Variants in ROBO1 observed in about 807,000 individuals in gnomAD.
ROBO1 encodes the protein roundabout guidance receptor 1.
In ROBO1, 149 loss-of-function variants were observed where a neutral mutation model predicts 195.9. The observed-to-expected ratio is 0.76, with a 90% confidence interval of 0.67 to 0.87. ROBO1 has a LOEUF of 0.87. Among genes scored for constraint, ROBO1 ranks in the 40% least tolerant of loss-of-function variants. The pLI, the probability that ROBO1 is intolerant of heterozygous loss-of-function variation, is 0.00. For missense variants in ROBO1, 1,933 were observed against 2,068.3 expected (o/e 0.93, Z 1.27); for synonymous variants, 816 against 733.2 (o/e 1.11, Z -1.82).
At chr3:79,283,845 C>G (rs1032102265) in intron 2 of ROBO1, among the ~76,000 whole-genome samples, 1 of 151,526 alleles carries the variant, frequency 6.6e-6, no homozygotes, top group South Asian at 2.1e-4. Flanking sequence ...CTACAGGCGC[C>G]CGCTACCACG....
chr3:79,125,552 A>C lies in ROBO1; in HGVS notation c.89-13T>G. On this transcript the variant is annotated splice_polypyrimidine_tract_variant and intron_variant, in intron 2 of 30. Transcript: ENST00000464233. The stretch of plus-strand genomic sequence containing the variant: ...ACATCTTCAGGGTCTGTCGGAAACA[A>C]CACCAGAGCTGCTGATGGGGTCACA... 1.2e-6 allele frequency: 2 copies of C among 1,609,606 alleles called. No homozygotes were observed. The highest frequency in any genetic ancestry group is 1.7e-6 in the Non-Finnish European group (2 of 1,176,502).
chr3:78,815,340 G>C (rs2084866114), intron 4 of ROBO1, among the ~76,000 whole-genome samples: 1 of 152,226 alleles, frequency 6.6e-6, no homozygotes, highest in Admixed American at 6.5e-5. Context: ...GAATACAAAG[G>C]AAAAGTACTT....
intron 2 of ROBO1, among the ~76,000 whole-genome samples, chr3:79,158,667 C>T (rs1017197364): frequency 4.0e-5 from 6 of 151,660 alleles, no homozygotes; most frequent in Non-Finnish European, 7.4e-5. Context: ...TAATAAACAC[C>T]TGTCCCAACA....
At chr3:79,143,876 C>G (rs2080587267) in intron 2 of ROBO1, among the ~76,000 whole-genome samples, 1 of 152,014 alleles carries the variant, frequency 6.6e-6, no homozygotes. Context: ...CCTTCCTATA[C>G]TCTGAACTAC....
At chr3:79,491,222 CT>C (rs10612189) in intron 2 of ROBO1, among the ~76,000 whole-genome samples, 40,012 of 144,088 alleles carry the variant, frequency 0.28, 5,606 homozygotes, top group Middle Eastern at 0.36. Flanking sequence ...GGGATCGGCT[CT>C]TTTTTTTTTT....
At chr3:79,295,602 TA>T (rs1411977174) in intron 2 of ROBO1, among the ~76,000 whole-genome samples, 3 of 151,484 alleles carry the variant, frequency 2.0e-5, no homozygotes, top group African/African-American at 7.3e-5. Context: ...ATAATAATAA[TA>T]AAAAAGAAAC....
At chr3:79,313,287 G>C (rs1373002957) in intron 2 of ROBO1, among the ~76,000 whole-genome samples, 1 of 151,902 alleles carries the variant, frequency 6.6e-6, no homozygotes, top group Admixed American at 6.6e-5. Flanking sequence ...AATATTGGCA[G>C]AAAAAGATCC....
At chr3:79,760,452 A>T (rs1178774252) in intron 1 of ROBO1, among the ~76,000 whole-genome samples, 2 of 150,466 alleles carry the variant, frequency 1.3e-5, no homozygotes, top group Non-Finnish European at 3.0e-5. Context: ...CATTAAGAAG[A>T]AAAAAGATAA....
At chr3:79,307,965 T>C (rs1394872775) in intron 2 of ROBO1, among the ~76,000 whole-genome samples, 1 of 152,180 alleles carries the variant, frequency 6.6e-6, no homozygotes, top group Non-Finnish European at 1.5e-5. Context: ...TTTTCTTTTA[T>C]TATCTTCATA....
At chr3:78,608,146 G>C (rs1032414013) in intron 28 of ROBO1, among the ~76,000 whole-genome samples, 5 of 151,616 alleles carry the variant, frequency 3.3e-5, no homozygotes, top group Non-Finnish European at 7.4e-5. Flanking sequence ...ACAAAGTCTT[G>C]CTTTGTTGCC....
At chr3:79,216,049 C>A (rs887334790) in intron 2 of ROBO1, among the ~76,000 whole-genome samples, 2 of 152,038 alleles carry the variant, frequency 1.3e-5, no homozygotes, top group Admixed American at 1.3e-4. Flanking sequence ...TCCTATACCT[C>A]GTCAGGCAAA....
rs368110549 is a variant in ROBO1 at position 79,303,159 on chromosome 3, G to GTTTTTTTTTTTTTTTTTTTTTTTTTTTT, written c.89-177621_89-177620insAAAAAAAAAAAAAAAAAAAAAAAAAAAA. ...ATTAATATATGAATTATCTCACATAGGTTTTTTTTTTTTTTTTTTTTTTTG... is the reference window on the plus strand; with the variant it reads ...ATTAATATATGAATTATCTCACATAGTTTTTTTTTTTTTTTTTTTTTTTTTTTTGTTTTTTTTTTTTTTTTTTTTTTTG... On this transcript the variant is annotated intron_variant, in intron 2 of 30. Coordinates refer to ENST00000464233, the MANE Select transcript of ROBO1 (RefSeq NM_002941.4). Among the ~76,000 whole-genome samples, 13 of 72,090 alleles carry GTTTTTTTTTTTTTTTTTTTTTTTTTTTT rather than the reference G, an allele frequency of 1.8e-4. 5 individuals are homozygous for GTTTTTTTTTTTTTTTTTTTTTTTTTTTT. Among genetic ancestry groups the GTTTTTTTTTTTTTTTTTTTTTTTTTTTT allele is most frequent in the African/African-American group, 4.5e-4 (7 of 15,670 alleles). The allele number at this position is 72,090 out of a possible 152,430, so 47.3% of individuals were successfully genotyped here.
At chr3:79,168,834 T>G (rs937479824) in intron 2 of ROBO1, among the ~76,000 whole-genome samples, 7 of 152,118 alleles carry the variant, frequency 4.6e-5, no homozygotes, top group African/African-American at 1.4e-4. Context: ...TCACTATTAT[T>G]TATACAAATA....
Position 78,921,716 on chromosome 3 carries a change from A to G in ROBO1, c.499+16885T>C, listed in dbSNP as rs576419682. ...AAACAGGGAACAAAATCTGGCATGA[A>G]TAGTTAAAGTTTTCAAAATATTATG... On this transcript the variant is annotated intron_variant, in intron 4 of 30. Transcript: ENST00000464233. Among the ~76,000 whole-genome samples, 4 of 152,310 alleles carry G rather than the reference A, an allele frequency of 2.6e-5. No homozygotes were observed. The East Asian group carries it at 7.7e-4, about 29-fold the overall frequency.
intron 3 of ROBO1, among the ~76,000 whole-genome samples, chr3:78,993,179 A>T (rs2108071462): frequency 6.6e-6 from 1 of 152,324 alleles, no homozygotes; most frequent in African/African-American, 2.4e-5. Flanking sequence ...TGTGAATCTG[A>T]CATGTTCTGG....
intron 1 of ROBO1, among the ~76,000 whole-genome samples, chr3:79,754,076 A>C (rs1389705287): frequency 6.6e-6 from 1 of 152,134 alleles, no homozygotes; most frequent in African/African-American, 2.4e-5. Flanking sequence ...GATTATGAAA[A>C]CTTTGACCAA....
rs1465014003 is a variant in ROBO1 at position 78,761,793 on chromosome 3, G to A, written c.500-14893C>T. Among the ~76,000 whole-genome samples, 7 of 152,140 alleles carry A rather than the reference G, an allele frequency of 4.6e-5. No individual in the cohort carries two copies. The East Asian group carries it at 5.8e-4, about 13-fold the overall frequency. On this transcript the variant is annotated intron_variant, in intron 4 of 30. Coordinates refer to ENST00000464233, the MANE Select transcript of ROBO1 (RefSeq NM_002941.4). ...CATAACCTTCTTTGCTGCAATTACC[G>A]ATCATTCATTTTGGCAAAAGAAGTC...
chr3:78,600,879 G>C (rs1559630134), intron 29 of ROBO1, among the ~76,000 whole-genome samples: 1 of 152,094 alleles, frequency 6.6e-6, no homozygotes, highest in Non-Finnish European at 1.5e-5. Context: ...AACCAAGCCT[G>C]GTTTCACTCC....
At chr3:79,604,135 C>A (rs993729983) in intron 1 of ROBO1, among the ~76,000 whole-genome samples, 3 of 151,908 alleles carry the variant, frequency 2.0e-5, no homozygotes, top group African/African-American at 7.2e-5. Context: ...TTTCTATATG[C>A]CATGAGTCCC....
Sources: allele counts gnomAD v4.1 joint callset (sites outside exome capture counted in the v4.1 genomes callset), GRCh38; gene constraint gnomAD v4.1.1; transcripts MANE v1.5; gene names NCBI Gene and HGNC (gene_info 2026-07-23, HGNC 2026-07-21).